PIP4K2A: variants seen among roughly 807,000 people sequenced by gnomAD.
The protein encoded by PIP4K2A is phosphatidylinositol 5-phosphate 4-kinase type-2 alpha.
In PIP4K2A, 14 loss-of-function variants were observed where a neutral mutation model predicts 42.9. The observed-to-expected ratio is 0.33, with a 90% confidence interval of 0.22 to 0.51. The LOEUF (loss-of-function observed/expected upper bound fraction) is 0.51, where lower values mean the gene tolerates loss of function less well. Among genes scored for constraint, PIP4K2A ranks in the 20% least tolerant of loss-of-function variants. The pLI is 0.97. For synonymous variants in PIP4K2A, 192 were observed against 192.2 expected (o/e 1.00, Z 0.01); for missense variants, 434 against 519.8 (o/e 0.83, Z 1.61).
intron 1 of PIP4K2A, among the ~76,000 whole-genome samples, chr10:22,623,073 T>C (rs1045564628): frequency 2.6e-5 from 4 of 152,144 alleles, no homozygotes; most frequent in Non-Finnish European, 5.9e-5. Flanking sequence ...TAATTATGTA[T>C]AGCTGTGTAA....
intron 1 of PIP4K2A, among the ~76,000 whole-genome samples, chr10:22,629,301 C>T (rs140247466): frequency 3.5e-3 from 529 of 152,264 alleles, no homozygotes; most frequent in African/African-American, 0.012. Flanking sequence ...TAAAGGTCCA[C>T]CATACTTGCA....
chr10:22,623,596 T>C (rs1554802974), intron 1 of PIP4K2A, among the ~76,000 whole-genome samples: 1 of 152,074 alleles, frequency 6.6e-6, no homozygotes, highest in Non-Finnish European at 1.5e-5. Context: ...AGTAGGAGCT[T>C]AGAGGTTGGC....
In PIP4K2A at chr10:22,536,728, A is replaced by AAAAAAAAAACAAAACAAACAAAC. The variant is rs1835935122; in HGVS notation, c.*472_*473insGTTTGTTTGTTTTGTTTTTTTTT. ...TCTTTCAACTCCAAAAAAAAAAAAA[A>AAAAAAAAAACAAAACAAACAAAC]AAAAAAAAAACTGATCCACAGTTTG... is the stretch of plus-strand genomic sequence containing the variant. On this transcript the variant is annotated 3_prime_UTR_variant, in exon 10 of 10. Transcript: ENST00000376573. 3 of 149,454 alleles carry AAAAAAAAAACAAAACAAACAAAC rather than the reference A, an allele frequency of 2.0e-5. No individual in the cohort carries two copies. The highest frequency in any genetic ancestry group is 4.5e-5 in the Non-Finnish European group (3 of 67,400). 9.3% of individuals were successfully genotyped at this position (149,454 alleles called of 1,614,324 possible). A position where few individuals can be genotyped will look rare whatever the true frequency, so the allele number is the denominator to read the frequency against.
intron 1 of PIP4K2A, among the ~76,000 whole-genome samples, chr10:22,656,082 C>A (rs1839094657): frequency 1.3e-5 from 2 of 152,168 alleles, no homozygotes; most frequent in Non-Finnish European, 2.9e-5. Context: ...ACCTTGCTGC[C>A]ATCCTCCTCT....
At chr10:22,567,910 A>G (rs1038429315) in intron 5 of PIP4K2A, 21 bp from the exon 6 acceptor site, 6 of 1,611,590 alleles carry the variant, frequency 3.7e-6, no homozygotes, top group Non-Finnish European at 4.2e-6. Context: ...AGGCAATAAT[A>G]AAAACATGCG....
intron 1 of PIP4K2A, among the ~76,000 whole-genome samples, chr10:22,619,219 G>A (rs1008832290): frequency 5.3e-5 from 8 of 152,192 alleles, no homozygotes; most frequent in Non-Finnish European, 1.0e-4. Context: ...GCCCACACTT[G>A]GAATGCTGTG....
chr10:22,542,701 T>C (rs1836153964), intron 7 of PIP4K2A, among the ~76,000 whole-genome samples: 1 of 152,190 alleles, frequency 6.6e-6, no homozygotes, highest in African/African-American at 2.4e-5. Context: ...CCCAGCTCTG[T>C]GTGTTTGGCT....
intron 4 of PIP4K2A, among the ~76,000 whole-genome samples, chr10:22,576,563 CCGTG>C (rs1482627354): frequency 6.6e-6 from 1 of 152,134 alleles, no homozygotes; most frequent in Non-Finnish European, 1.5e-5. Context: ...CGGTCCAGCT[CCGTG>C]TTCATTACCT....
At chr10:22,542,071 A>G (rs200251276) in intron 7 of PIP4K2A, 24 bp from the exon 8 acceptor site, 169 of 1,582,060 alleles carry the variant, frequency 1.1e-4, no homozygotes, top group Non-Finnish European at 1.4e-4. Flanking sequence ...CAACAGGGTG[A>G]GTCAGCCACA....
intron 3 of PIP4K2A, among the ~76,000 whole-genome samples, 191 bp from the exon 4 acceptor site, chr10:22,591,972 A>T (rs1353657517): frequency 6.6e-6 from 1 of 152,254 alleles, no homozygotes. Flanking sequence ...TTCAGATGAA[A>T]TGAAAACAGC....
At chr10:22,643,986 A>G (rs1212103277) in intron 1 of PIP4K2A, among the ~76,000 whole-genome samples, 1 of 152,084 alleles carries the variant, frequency 6.6e-6, no homozygotes, top group African/African-American at 2.4e-5. Context: ...CTCAGTTTTT[A>G]AAACATTTCT....
At chr10:22,640,075 C>T (rs1838749030) in intron 1 of PIP4K2A, among the ~76,000 whole-genome samples, 1 of 139,724 alleles carries the variant, frequency 7.2e-6, no homozygotes, top group Non-Finnish European at 1.5e-5. Context: ...CAAGACATCC[C>T]AAGCAAAGGA....
chr10:22,570,081 A>T (rs532351626), intron 5 of PIP4K2A, among the ~76,000 whole-genome samples: 1 of 151,218 alleles, frequency 6.6e-6, no homozygotes, highest in South Asian at 2.1e-4. Context: ...TTGCAGGGGG[A>T]TTAAAAAAAA....
In PIP4K2A at chr10:22,541,981, C is replaced by G; in HGVS notation, c.859G>C (p.Glu287Gln). ...TCCTCACACTCCACTTCCTCCTGTT[C>G]GGCTCTCTCCACATCATGAATTCCC... is the stretch of plus-strand genomic sequence containing the variant. ...LVGIHDVERA[E>Q]QEEVECEEND... is the part of the protein sequence containing the mutation. The change falls in exon 8 of 10, where the codon GAA becomes CAA. Residue 287 changes from glutamate to glutamine, a missense_variant. Glu to Gln is a conservative substitution (Grantham distance 29). This residue lies in a region of PIP4K2A where 395 missense variants were observed against 444.5 expected (regional missense o/e 0.89). Transcript: ENST00000376573. 1.9e-6 allele frequency: 3 copies of G among 1,614,028 alleles called. No homozygotes were observed. Among genetic ancestry groups the G allele is most frequent in the Non-Finnish European group, 2.5e-6 (3 of 1,179,934 alleles).
At chr10:22,649,524 G>A (rs1205865104) in intron 1 of PIP4K2A, among the ~76,000 whole-genome samples, 3 of 152,158 alleles carry the variant, frequency 2.0e-5, no homozygotes, top group African/African-American at 4.8e-5. Context: ...CCAAGACCAG[G>A]AGAAGAAAAC....
At chr10:22,640,773 CTA>C (rs1838767062) in intron 1 of PIP4K2A, among the ~76,000 whole-genome samples, 15 of 152,192 alleles carry the variant, frequency 9.9e-5, no homozygotes, top group Admixed American at 9.8e-4. Flanking sequence ...TTTGTATTCC[CTA>C]ATGCAAAGTG....
chr10:22,579,791 C>T (rs1364461080), intron 4 of PIP4K2A, among the ~76,000 whole-genome samples: 1 of 149,244 alleles, frequency 6.7e-6, no homozygotes, highest in Non-Finnish European at 1.5e-5. Flanking sequence ...TGCCTGTAGT[C>T]CCAGCTACTC....
intron 7 of PIP4K2A, among the ~76,000 whole-genome samples, chr10:22,548,971 C>T (rs1379716426): frequency 1.3e-5 from 2 of 152,084 alleles, no homozygotes; most frequent in Non-Finnish European, 2.9e-5. Flanking sequence ...GGAGGACTGC[C>T]TGAGCTGGGA....
chr10:22,705,119 A>G (rs1833794031), intron 1 of PIP4K2A, among the ~76,000 whole-genome samples: 1 of 152,036 alleles, frequency 6.6e-6, no homozygotes, highest in Non-Finnish European at 1.5e-5. Context: ...GGGACAGGAC[A>G]CTAGGTGAAG....
Sources: gnomAD v4.1 joint callset for allele counts (sites outside exome capture counted in the v4.1 genomes callset) on GRCh38, gnomAD v4.1.1 for gene constraint, gnomAD v4.1.1 regional missense constraint, MANE v1.5 for transcripts, NCBI Gene and HGNC (gene_info 2026-07-23, HGNC 2026-07-21) for gene names.